Variants in DGKZ observed in about 807,000 individuals in gnomAD.
The protein encoded by DGKZ is diacylglycerol kinase zeta, also known as DAG kinase zeta.
DGKZ carries 45 observed loss-of-function variants against 142.5 expected under a neutral mutation model. That is an observed-to-expected ratio of 0.32 (90% confidence interval 0.25 to 0.40). DGKZ has a LOEUF of 0.40. Ranked by LOEUF, DGKZ falls within the 10% of genes least tolerant of loss-of-function variation. DGKZ has a pLI of 1.00. For missense variants in DGKZ, 755 were observed against 1,306.5 expected, an observed-to-expected ratio of 0.58 and a Z score of 6.51; for synonymous variants, 442 against 527.0, an observed-to-expected ratio of 0.84 and a Z score of 2.21.
intron 1 of DGKZ, among the ~76,000 whole-genome samples, chr11:46,334,523 G>C (rs1939916224): frequency 6.6e-6 from 1 of 152,214 alleles, no homozygotes; most frequent in Non-Finnish European, 1.5e-5. Context: ...CTGGGAGCTT[G>C]AAAGGCCTCA....
upstream of DGKZ, among the ~76,000 whole-genome samples, chr11:46,343,947 T>C (rs182482835): frequency 5.9e-5 from 9 of 152,054 alleles, no homozygotes; most frequent in African/African-American, 1.7e-4. Context: ...TTTTTCTTTA[T>C]AGCACATCTT....
intron 1 of DGKZ, among the ~76,000 whole-genome samples, chr11:46,357,326 A>G (rs1220797023): frequency 6.6e-6 from 1 of 151,912 alleles, no homozygotes; most frequent in Non-Finnish European, 1.5e-5. Flanking sequence ...AGTTTTCATG[A>G]GAAAGCCATG....
intron 22 of DGKZ, 89 bp downstream of exon 22, chr11:46,376,234 C>A: frequency 6.2e-7 from 1 of 1,604,338 alleles, no homozygotes; most frequent in East Asian, 2.2e-5. Flanking sequence ...GCTCGCCCTG[C>A]GGAGCCTCCT....
intron 1 of DGKZ, among the ~76,000 whole-genome samples, chr11:46,349,909 G>A (rs919532725): frequency 1.3e-5 from 2 of 152,188 alleles, no homozygotes; most frequent in African/African-American, 2.4e-5. Flanking sequence ...TTCCCTTGGC[G>A]TGTCTGACCC....
At chr11:46,336,174 C>A (rs1311017572) in intron 1 of DGKZ, among the ~76,000 whole-genome samples, 1 of 152,208 alleles carries the variant, frequency 6.6e-6, no homozygotes, top group Non-Finnish European at 1.5e-5. Flanking sequence ...TGGCAGGACA[C>A]TAGAAGCTTA....
chr11:46,379,428 G>T, intron 29 of DGKZ, 41 bp from the exon 30 acceptor site: 1 of 1,594,978 alleles, frequency 6.3e-7, no homozygotes. Flanking sequence ...GGGTGGATCA[G>T]GGGACGGGAT....
At chr11:46,347,385 T>C, upstream of DGKZ, 1 of 983,954 alleles carries the variant, frequency 1.0e-6, no homozygotes, top group South Asian at 4.6e-5. The surrounding 1 kb of genome is among the most constrained non-coding windows in gnomAD (Gnocchi z 6.4). Flanking sequence ...GGTGCCACCG[T>C]GCGGCCGAGG....
At chr11:46,353,231 G>C (rs1219218669) in intron 1 of DGKZ, among the ~76,000 whole-genome samples, 1 of 152,198 alleles carries the variant, frequency 6.6e-6, no homozygotes, top group Non-Finnish European at 1.5e-5. Flanking sequence ...GCCTGGCCAG[G>C]ATCCCCCAGC....
intron 1 of DGKZ, among the ~76,000 whole-genome samples, chr11:46,352,701 T>C (rs931462542): frequency 4.6e-5 from 7 of 152,224 alleles, no homozygotes; most frequent in Admixed American, 3.3e-4. Context: ...GGGGGCAGTG[T>C]GTGCAGGAAG....
At chr11:46,369,225 A>AGT in intron 4 of DGKZ, 1 of 547,044 alleles carries the variant, frequency 1.8e-6, no homozygotes, top group African/African-American at 1.9e-5. Context: ...GTCCCATGTT[A>AGT]GTGGGGGAGA....
At chr11:46,339,399 C>G (rs558904069) in intron 1 of DGKZ, among the ~76,000 whole-genome samples, 1 of 152,354 alleles carries the variant, frequency 6.6e-6, no homozygotes, top group African/African-American at 2.4e-5. Context: ...CAGAGGAAGC[C>G]TGGGGTCCAT....
upstream of DGKZ, among the ~76,000 whole-genome samples, chr11:46,344,255 ATTGT>A (rs1487562804): frequency 6.6e-6 from 1 of 151,584 alleles, no homozygotes; most frequent in Non-Finnish European, 1.5e-5. Flanking sequence ...TTGTACATAG[ATTGT>A]TTGTTTCCTG....
exon 30 of DGKZ, chr11:46,379,495 C>G: frequency 6.2e-7 from 1 of 1,610,828 alleles, no homozygotes; most frequent in Non-Finnish European, 8.5e-7. Context: ...CACCAAGCAG[C>G]GGCCCTGGGC....
intron 1 of DGKZ, among the ~76,000 whole-genome samples, chr11:46,359,139 CA>C (rs544085051): frequency 2.2e-5 from 3 of 137,734 alleles, no homozygotes; most frequent in African/African-American, 2.7e-5. Context: ...GACTGTATCT[CA>C]AAAAAAAAAT....
intron 1 of DGKZ, chr11:46,365,938 G>T (rs1943195750): frequency 2.0e-6 from 2 of 985,294 alleles, no homozygotes; most frequent in Non-Finnish European, 2.4e-6. Flanking sequence ...AGAAGGGGTA[G>T]CCTGAAGCAC....
At chr11:46,346,408 C>G (rs1313994732), upstream of DGKZ, among the ~76,000 whole-genome samples, 2 of 152,110 alleles carry the variant, frequency 1.3e-5, no homozygotes, top group African/African-American at 2.4e-5. Flanking sequence ...CCTGCGGGGG[C>G]CATCAGAAAC....
chr11:46,373,059 C>G (rs566613345), exon 14 of DGKZ: 2 of 1,544,038 alleles, frequency 1.3e-6, no homozygotes, highest in East Asian at 4.9e-5. Flanking sequence ...AGCCCAACCC[C>G]GAGGCAGGGC....
At chr11:46,368,886 C>T (rs781526426) in intron 4 of DGKZ, 6 of 172,152 alleles carry the variant, frequency 3.5e-5, no homozygotes, top group African/African-American at 9.6e-5. Context: ...TGCGTGTGCC[C>T]GGGTCGGGAG....
At chr11:46,340,723 G>A (rs1681170108) in intron 1 of DGKZ, among the ~76,000 whole-genome samples, 1 of 152,244 alleles carries the variant, frequency 6.6e-6, no homozygotes, top group Non-Finnish European at 1.5e-5. Flanking sequence ...CTCCTCTGTG[G>A]GGGCAGAGGC....
Sources: allele counts gnomAD v4.1 joint callset (sites outside exome capture counted in the v4.1 genomes callset), GRCh38; gene constraint gnomAD v4.1.1; non-coding constraint Gnocchi (gnomAD v3.1); transcripts MANE v1.5; gene names NCBI Gene and HGNC (gene_info 2026-07-23, HGNC 2026-07-21).